Variants in PARP16 observed in about 807,000 individuals in gnomAD.
PARP16 encodes poly(ADP-ribose) polymerase family member 16.
Under a neutral mutation model 35.0 loss-of-function variants are expected in PARP16, and 31 were observed. That is an observed-to-expected ratio of 0.88 (90% CI 0.66 to 1.19). PARP16 has a LOEUF of 1.19. PARP16 is among the 50% of genes most tolerant of loss of function. The pLI is 0.00. For synonymous variants in PARP16, 162 were observed against 169.5 expected, an observed-to-expected ratio of 0.96 and a Z score of 0.34; for missense variants, 424 against 411.2, an observed-to-expected ratio of 1.03 and a Z score of -0.27.
intron 2 of PARP16, among the ~76,000 whole-genome samples, chr15:65,269,032 G>T (rs1345977449): frequency 6.6e-6 from 1 of 152,112 alleles, no homozygotes; most frequent in Admixed American, 6.5e-5. Flanking sequence ...TGGAATTACA[G>T]GCGTGAGCTT....
rs2089901039 is a variant in PARP16 at position 65,266,650 on chromosome 15, T to C, written c.431A>G (p.Glu144Gly). 1 of 1,614,126 alleles carries C rather than the reference T, an allele frequency of 6.2e-7. No individual in the cohort carries two copies. Among genetic ancestry groups the C allele is most frequent in the African/African-American group, 1.3e-5 (1 of 75,030 alleles). The change falls in exon 3 of 6, where the codon GAA (glutamate) becomes GGA (glycine). Residue 144 changes from glutamate (E) to glycine (G), a missense_variant. Glu to Gly is a moderately conservative substitution (Grantham distance 98, BLOSUM62 -2). Coordinates refer to ENST00000649807, the MANE Select transcript of PARP16 (RefSeq NM_001316943.2). ...ATGAAATGCATAGATTAGGTCTCGTTCTCCTTTGGTCTCATAAAATTTGGC... is the reference window on the plus strand; with the variant it reads ...ATGAAATGCATAGATTAGGTCTCGTCCTCCTTTGGTCTCATAAAATTTGGC... ...ANAKFYETKG[E>G]RDLIYAFHGS... is the part of the protein sequence containing the mutation.
intron 1 of PARP16, among the ~76,000 whole-genome samples, chr15:65,277,772 G>T (rs2090299416): frequency 6.6e-6 from 1 of 152,216 alleles, no homozygotes; most frequent in South Asian, 2.1e-4. Context: ...ATTTTTAAGA[G>T]ACTGCTTTGG....
chr15:65,243,854 T>G (rs2140744954), intron 3 of PARP16, among the ~76,000 whole-genome samples: 1 of 152,196 alleles, frequency 6.6e-6, no homozygotes, highest in African/African-American at 2.4e-5. Context: ...GTCCTTATTG[T>G]GACTCCCAAG....
Position 65,250,794 on chromosome 15 carries a change from G to A in PARP16, c.203-2566C>T, listed in dbSNP as rs532549307. Among the ~76,000 whole-genome samples, 7 of 152,248 alleles carry A rather than the reference G, an allele frequency of 4.6e-5. No homozygotes were observed. The East Asian group carries it at 5.8e-4, about 13-fold the overall frequency. ...GGCCAGAAGCCAGTCCAAGCTGACC[G>A]AAGGAGGCCCCTTGAGACTGAGGCT... On this transcript the variant is annotated intron_variant and NMD_transcript_variant, in intron 2 of 3. Coordinates refer to the PARP16 transcript ENST00000559805.
chr15:65,245,415 T>C (rs1465995927), intron 3 of PARP16, among the ~76,000 whole-genome samples: 1 of 152,190 alleles, frequency 6.6e-6, no homozygotes, highest in Non-Finnish European at 1.5e-5. Context: ...GTTGTGCCCT[T>C]CATAGACCAG....
At chr15:65,234,086 C>T (rs2088819839), downstream of PARP16, among the ~76,000 whole-genome samples, 1 of 152,164 alleles carries the variant, frequency 6.6e-6, no homozygotes, top group African/African-American at 2.4e-5. Flanking sequence ...GATAACAGAG[C>T]TTGGATAACT....
chr15:65,235,142 T>C (rs1444273771), intron 3 of PARP16, among the ~76,000 whole-genome samples: 1 of 151,588 alleles, frequency 6.6e-6, no homozygotes, highest in Non-Finnish European at 1.5e-5. Flanking sequence ...ACTTAAAGTA[T>C]ATTTAAAAAA....
At position 65,266,595 on chromosome 15, in the gene PARP16, A is replaced by AATGGAATG; in HGVS notation, c.478_485dup (p.His164ProfsTer11). ...GATGGCAGTGCAGGCCATTGTGGAT[A>AATGGAATG]ATGGAATGGAAGTTTTCTAGGCGGC... On this transcript the variant is annotated frameshift_variant, in exon 3 of 6. Transcript: ENST00000649807. LOFTEE classifies it high-confidence loss of function. The AATGGAATG allele has an allele frequency of 6.2e-7, 1 of 1,614,086 alleles. No individual in the cohort carries two copies. Among genetic ancestry groups the AATGGAATG allele is most frequent in the Non-Finnish European group, 8.5e-7 (1 of 1,180,008 alleles).
chr15:65,246,573 C>T (rs2089214786), intron 3 of PARP16, among the ~76,000 whole-genome samples: 1 of 152,242 alleles, frequency 6.6e-6, no homozygotes, highest in Non-Finnish European at 1.5e-5. Context: ...TGACCCAGCT[C>T]TGCCCTGTGG....
chr15:65,244,049 T>C (rs1053855087), intron 3 of PARP16, among the ~76,000 whole-genome samples: 2 of 152,176 alleles, frequency 1.3e-5, no homozygotes, highest in African/African-American at 4.8e-5. Context: ...TGCCAAGCTC[T>C]TCCCCACCTC....
At chr15:65,253,829 T>C (rs2089426968), downstream of PARP16, among the ~76,000 whole-genome samples, 1 of 147,116 alleles carries the variant, frequency 6.8e-6, no homozygotes, top group Non-Finnish European at 1.5e-5. Context: ...ACCAGATTTG[T>C]TTTTTTTGAG....
At chr15:65,272,688 T>C (rs2090129578) in intron 1 of PARP16, among the ~76,000 whole-genome samples, 1 of 152,168 alleles carries the variant, frequency 6.6e-6, no homozygotes, top group Admixed American at 6.5e-5. Context: ...GGTCAAGAAC[T>C]GTCTTGTGTT....
chr15:65,253,828 G>T (rs1044329764), downstream of PARP16, among the ~76,000 whole-genome samples: 3 of 151,122 alleles, frequency 2.0e-5, no homozygotes, highest in East Asian at 4.0e-4. Flanking sequence ...AACCAGATTT[G>T]TTTTTTTTGA....
intron 1 of PARP16, among the ~76,000 whole-genome samples, chr15:65,274,407 C>G (rs1351794248): frequency 6.6e-6 from 1 of 151,830 alleles, no homozygotes; most frequent in Non-Finnish European, 1.5e-5. Context: ...CAAAACAAAA[C>G]AAACAAACAA....
chr15:65,259,463 C>T lies in PARP16; in HGVS notation c.913G>A (p.Val305Met), dbSNP rs1275940457. 4 of 1,613,812 alleles carry T rather than the reference C, an allele frequency of 2.5e-6. No homozygotes were observed. Among genetic ancestry groups the T allele is most frequent in the Non-Finnish European group, 3.4e-6 (4 of 1,179,814 alleles). The stretch of plus-strand genomic sequence containing the variant: ...AAAGCAGAGGAGTTGATGACACTCA[C>T]TATGAGCAGCAGCAGCAGATACAGG... ...ISLYLLLLLI[V>M]SVINSSAFQH... Residue 305 changes from valine (V) to methionine (M), a missense_variant, in exon 6 of 6, where the codon GTG becomes ATG. Coordinates refer to ENST00000649807, the MANE Select transcript of PARP16 (RefSeq NM_001316943.2).
At chr15:65,253,088 GCAC>G (rs1463766322) in intron 2 of PARP16, among the ~76,000 whole-genome samples, 1 of 149,830 alleles carries the variant, frequency 6.7e-6, no homozygotes, top group Non-Finnish European at 1.5e-5. Flanking sequence ...AGCCGAGATT[GCAC>G]CACTGCACCT....
chr15:65,266,080 C>A (rs1194369567), intron 3 of PARP16, among the ~76,000 whole-genome samples: 3 of 152,164 alleles, frequency 2.0e-5, no homozygotes, highest in Non-Finnish European at 2.9e-5. Flanking sequence ...AGGCACCCAC[C>A]ACCATGCCCG....
At chr15:65,246,146 CAG>C (rs2089204401) in intron 3 of PARP16, among the ~76,000 whole-genome samples, 1 of 152,152 alleles carries the variant, frequency 6.6e-6, no homozygotes, top group Non-Finnish European at 1.5e-5. Flanking sequence ...AGCTCACTTC[CAG>C]AGAATTTCCC....
downstream of PARP16, among the ~76,000 whole-genome samples, chr15:65,233,815 A>G (rs1861089455): frequency 1.3e-5 from 2 of 152,176 alleles, no homozygotes; most frequent in South Asian, 4.1e-4. Flanking sequence ...AAAATGTCCA[A>G]AAGGCAAAAG....
Sources: allele counts gnomAD v4.1 joint callset (sites outside exome capture counted in the v4.1 genomes callset), GRCh38; gene constraint gnomAD v4.1.1; transcripts MANE v1.5; gene names NCBI Gene and HGNC (gene_info 2026-07-23, HGNC 2026-07-21).